Variants in PUDP observed in about 807,000 individuals in gnomAD.
PUDP encodes the protein pseudouridine-5'-phosphatase.
PUDP carries 8 observed loss-of-function variants against 9.4 expected under a neutral mutation model. That is an observed-to-expected ratio of 0.85 (90% CI 0.50 to 1.53). The LOEUF is 1.53. Ranked by LOEUF, PUDP falls within the 40% of genes most tolerant of loss-of-function variation. The probability of loss-of-function intolerance (pLI) is 0.00; values close to 1 mark genes in which losing one functional copy is unlikely to be tolerated. For synonymous variants in PUDP, 99 were observed against 80.7 expected, an observed-to-expected ratio of 1.23 and a Z score of -1.22; for missense variants, 188 against 189.7, an observed-to-expected ratio of 0.99 and a Z score of 0.05.
intron 3 of PUDP, among the ~76,000 whole-genome samples, chrX:6,785,450 A>T (rs1925630701): frequency 8.9e-6 from 1 of 111,947 alleles, no homozygotes; most frequent in Non-Finnish European, 1.9e-5. Context: ...TCTTCAAATT[A>T]TATTTCTTTT....
At chrX:6,933,133 G>A (rs1206007700) in intron 3 of PUDP, among the ~76,000 whole-genome samples, 1 of 109,145 alleles carries the variant, frequency 9.2e-6, no homozygotes, top group Non-Finnish European at 1.9e-5. Flanking sequence ...CTCCCAGCAC[G>A]CAGCTGGAGA....
intron 3 of PUDP, among the ~76,000 whole-genome samples, chrX:6,894,766 C>T (rs1458594656): frequency 9.0e-6 from 1 of 111,545 alleles, no homozygotes; most frequent in African/African-American, 3.3e-5. Flanking sequence ...ACAGAGGCTA[C>T]TTGGAGGAAC....
Position 6,962,889 on chromosome X carries a change from T to A in PUDP, c.*247+14244A>T, listed in dbSNP as rs775931765. Among the ~76,000 whole-genome samples the A allele has an allele frequency of 2.7e-5, 3 of 112,878 alleles. No individual in the cohort carries two copies. The South Asian group carries it at 1.1e-3, about 41-fold the overall frequency. The stretch of plus-strand genomic sequence containing the variant: ...AACACTAGAAAGCATTTTACATGCA[T>A]TATTTAATTTATTTTTGGTGGAACA... On this transcript the variant is annotated intron_variant and NMD_transcript_variant, in intron 3 of 3. Coordinates refer to the PUDP transcript ENST00000655425.
intron 3 of PUDP, among the ~76,000 whole-genome samples, chrX:6,926,520 T>G (rs369165326): frequency 3.0e-4 from 34 of 112,396 alleles, no homozygotes; most frequent in East Asian, 1.4e-3. Flanking sequence ...CCATGAACAC[T>G]GAATGTAACC....
intron 1 of PUDP, among the ~76,000 whole-genome samples, chrX:6,720,946 G>T (rs1924667007): frequency 9.0e-6 from 1 of 111,337 alleles, no homozygotes; most frequent in Non-Finnish European, 1.9e-5. Flanking sequence ...AAACATGCTG[G>T]GGAAAATGTC....
chrX:6,840,164 C>T (rs1926645503), intron 3 of PUDP, among the ~76,000 whole-genome samples: 1 of 111,580 alleles, frequency 9.0e-6, no homozygotes, highest in Non-Finnish European at 1.9e-5. Context: ...GATGGTTTTA[C>T]ATGAGGTTTT....
At chrX:6,752,057 C>G (rs975228877) in intron 3 of PUDP, among the ~76,000 whole-genome samples, 2 of 111,335 alleles carry the variant, frequency 1.8e-5, no homozygotes, top group Non-Finnish European at 3.8e-5. Flanking sequence ...CTTTATTCTT[C>G]TCAAATTGTT....
At chrX:6,881,552 C>G (rs1039787530) in intron 3 of PUDP, among the ~76,000 whole-genome samples, 1 of 111,803 alleles carries the variant, frequency 8.9e-6, no homozygotes, top group Non-Finnish European at 1.9e-5. Context: ...CAGATTAATG[C>G]TTCCTCCCTC....
At chrX:6,937,563 T>C (rs1296611599) in intron 3 of PUDP, among the ~76,000 whole-genome samples, 3 of 104,011 alleles carry the variant, frequency 2.9e-5, no homozygotes, top group East Asian at 3.0e-4. Flanking sequence ...ATCCAGGACA[T>C]AGGCATGGGC....
intron 1 of PUDP, among the ~76,000 whole-genome samples, chrX:7,007,681 C>T (rs1286272739): frequency 8.9e-6 from 1 of 112,368 alleles, no homozygotes; most frequent in Non-Finnish European, 1.9e-5. Flanking sequence ...TAAATCATTC[C>T]TCATATTTCC....
chrX:7,034,487 G>A (rs1929829254), intron 1 of PUDP, among the ~76,000 whole-genome samples: 1 of 111,516 alleles, frequency 9.0e-6, no homozygotes, highest in Non-Finnish European at 1.9e-5. Context: ...TTTCTGGCCT[G>A]GAATGTCAAG....
At chrX:7,095,578 G>A (rs748776821) in intron 2 of PUDP, among the ~76,000 whole-genome samples, 56 of 111,855 alleles carry the variant, frequency 5.0e-4, no homozygotes, top group African/African-American at 1.7e-3. Context: ...CCCCAGCACC[G>A]AGCTGTGAAA....
intron 3 of PUDP, among the ~76,000 whole-genome samples, chrX:6,956,636 T>G (rs1928633027): frequency 9.0e-6 from 1 of 111,507 alleles, no homozygotes; most frequent in African/African-American, 3.3e-5. Flanking sequence ...TTTCAGCAAA[T>G]TCTTTATAAA....
chrX:7,001,390 A>G (rs1377315194), intron 1 of PUDP, among the ~76,000 whole-genome samples: 1 of 111,683 alleles, frequency 9.0e-6, no homozygotes, highest in African/African-American at 3.2e-5. Flanking sequence ...GATAGATTTA[A>G]TTTCAGTCAA....
At position 7,116,369 on chromosome X, in the gene PUDP, G is replaced by C. The variant is rs1186948417; in HGVS notation, c.62-10531C>G. Among the ~76,000 whole-genome samples the C allele has an allele frequency of 2.7e-5, 3 of 111,749 alleles. No homozygotes were observed. In the Admixed American group the frequency reaches 2.8e-4, roughly 11 times the overall value. On this transcript the variant is annotated intron_variant, in intron 1 of 3. Coordinates refer to ENST00000381077, the MANE Select transcript of PUDP (RefSeq NM_012080.5). ...GAGATAAGTCATTGAGCTGGCCAAG[G>C]ACCCTGGGCTGCCGACTAGACTCAT...
chrX:6,749,711 A>C (rs750343801), intron 3 of PUDP, among the ~76,000 whole-genome samples: 3 of 112,029 alleles, frequency 2.7e-5, no homozygotes, highest in Admixed American at 9.5e-5. Flanking sequence ...ATGTTTCTGT[A>C]ACCACAGATC....
chrX:6,811,313 TTTA>T (rs1007347803), intron 3 of PUDP, among the ~76,000 whole-genome samples: 1 of 110,728 alleles, frequency 9.0e-6, no homozygotes, highest in Non-Finnish European at 1.9e-5. Flanking sequence ...GGCATTATTT[TTTA>T]TTATTAATAT....
chrX:7,040,268 C>T (rs1929904021), intron 1 of PUDP, among the ~76,000 whole-genome samples: 1 of 111,517 alleles, frequency 9.0e-6, no homozygotes, highest in Non-Finnish European at 1.9e-5. Context: ...CCCTCATATG[C>T]AGACCCTCAT....
At chrX:6,712,785 T>C (rs1168434030) in intron 1 of PUDP, among the ~76,000 whole-genome samples, 3 of 111,692 alleles carry the variant, frequency 2.7e-5, no homozygotes, top group Non-Finnish European at 3.8e-5. Context: ...CAGTGGCTCA[T>C]GCCTGTAATC....
Sources: gnomAD v4.1 joint callset for allele counts (sites outside exome capture counted in the v4.1 genomes callset) on GRCh38, gnomAD v4.1.1 for gene constraint, MANE v1.5 for transcripts, NCBI Gene and HGNC (gene_info 2026-07-23, HGNC 2026-07-21) for gene names.